Variants in GREB1 observed in about 807,000 individuals in gnomAD.
The protein encoded by GREB1 is growth regulating estrogen receptor binding 1.
A neutral mutation model predicts 200.7 loss-of-function variants in GREB1; 106 were observed. That is an observed-to-expected ratio of 0.53 (90% CI 0.45 to 0.62). GREB1 has a LOEUF of 0.62. GREB1 is among the 20% of genes least tolerant of loss of function. GREB1 has a pLI of 0.00. For missense variants in GREB1, 2,243 were observed against 2,556.8 expected, an observed-to-expected ratio of 0.88 and a Z score of 2.65; for synonymous variants, 1,132 against 1,092.4, an observed-to-expected ratio of 1.04 and a Z score of -0.72.
rs114284382 is a variant in GREB1 at position 11,503,268 on chromosome 2, G to A, written c.-159+20887G>A. ...CTTGTTTCTGCCCAGATTTTCACAC[G>A]TTTATTACATAAATCTGTATCTATT... On this transcript the variant is annotated intron_variant, in intron 1 of 2. Transcript: ENST00000628795. 9.6e-3 allele frequency among the ~76,000 whole-genome samples: 1,463 copies of A among 152,150 alleles called. 25 individuals carry two copies. The highest frequency in any genetic ancestry group is 0.034 in the African/African-American group (1,398 of 41,500).
chr2:11,609,624 C>T (rs1335265167), intron 17 of GREB1, among the ~76,000 whole-genome samples: 1 of 152,156 alleles, frequency 6.6e-6, no homozygotes, highest in African/African-American at 2.4e-5. Context: ...CTAGACAGCC[C>T]TGGTAATGGC....
At chr2:11,538,624 TC>T (rs1292369202) in intron 1 of GREB1, among the ~76,000 whole-genome samples, 3 of 19,512 alleles carry the variant, frequency 1.5e-4, no homozygotes, top group Non-Finnish European at 3.6e-4. Flanking sequence ...TTTCTTTCTT[TC>T]TTTCTTTCTT....
At position 11,514,395 on chromosome 2, in the gene GREB1, C is replaced by T. The variant is rs114130288; in HGVS notation, c.-159+32014C>T. Among the ~76,000 whole-genome samples, 496 of 152,332 alleles carry T rather than the reference C, an allele frequency of 3.3e-3. 3 individuals are homozygous for T. The highest frequency in any genetic ancestry group is 0.011 in the African/African-American group (463 of 41,564). ...ATTCACCAGTTGGAGACTCTGACTC[C>T]AGATCCTACACCCTTTTCACTACAC... On this transcript the variant is annotated intron_variant, in intron 1 of 2. Coordinates refer to the GREB1 transcript ENST00000628795.
At chr2:11,491,758 C>A (rs1050141870) in intron 1 of GREB1, among the ~76,000 whole-genome samples, 1 of 152,180 alleles carries the variant, frequency 6.6e-6, no homozygotes, top group Admixed American at 6.5e-5. Context: ...AGGCTGGAGG[C>A]CATAAGTGGC....
At chr2:11,521,006 C>T (rs1049302631) in intron 1 of GREB1, among the ~76,000 whole-genome samples, 2 of 152,190 alleles carry the variant, frequency 1.3e-5, no homozygotes, top group Admixed American at 1.3e-4. Flanking sequence ...TTCTTATGCC[C>T]TCTGCCGTGT....
rs1675525532 is a variant in GREB1, at chr2:11,548,676, C to G, written c.-161-7778C>G. Among the ~76,000 whole-genome samples, 1 of 152,070 alleles carries G rather than the reference C, an allele frequency of 6.6e-6. No individual in the cohort carries two copies. Among genetic ancestry groups the G allele is most frequent in the Non-Finnish European group, 1.5e-5 (1 of 68,026 alleles). On this transcript the variant is annotated intron_variant, in intron 1 of 32. Transcript: ENST00000381486. The surrounding 1 kb of genome is among the most constrained non-coding windows in gnomAD (Gnocchi z 5.1). ...CTTCTGTCCCTGCTCCAGTGTGGAT[C>G]ATTTAGCTGTTCTCATCATCACCTT...
intron 1 of GREB1, among the ~76,000 whole-genome samples, chr2:11,552,874 G>A (rs1241162283): frequency 2.0e-5 from 3 of 151,988 alleles, no homozygotes; most frequent in African/African-American, 4.8e-5. Flanking sequence ...GCCGGGCATG[G>A]TGGCGCACGC....
intron 12 of GREB1, 116 bp downstream of exon 12, chr2:11,595,495 C>A: frequency 1.0e-6 from 1 of 993,340 alleles, no homozygotes; most frequent in Non-Finnish European, 1.5e-6. Context: ...GCCTCCACTG[C>A]AGAGTGCCCC....
intron 20 of GREB1, among the ~76,000 whole-genome samples, chr2:11,616,195 G>A (rs1683388391): frequency 6.6e-6 from 1 of 152,238 alleles, no homozygotes; most frequent in Admixed American, 6.5e-5. Context: ...GCAGTGGCCG[G>A]GCTGTGCCCT....
In GREB1 at chr2:11,618,433, C is replaced by T. The variant is rs536362432; in HGVS notation, c.3558C>T (p.Pro1186=). The change falls in exon 22 of 33, where the codon CCC becomes CCT. Residue 1186 remains proline, a synonymous_variant. Transcript: ENST00000381486. ...KQRPRASQGP[P]SAISRHSPGP... ...GGCCCCGGGCAAGTCAGGGGCCACC[C>T]TCGGCCATCAGCAGGCACAGTCCCG... The T allele has an allele frequency of 6.2e-7, 1 of 1,606,840 alleles. No individual in the cohort carries two copies. Among genetic ancestry groups the T allele is most frequent in the Admixed American group, 1.7e-5 (1 of 58,940 alleles).
intron 11 of GREB1, 133 bp downstream of exon 11, chr2:11,593,259 T>C: frequency 1.6e-6 from 1 of 608,398 alleles, no homozygotes; most frequent in Non-Finnish European, 2.8e-6. Context: ...CGGTTTGTGC[T>C]CAGTAGCTGG....
At chr2:11,514,462 T>C (rs13395155) in intron 1 of GREB1, among the ~76,000 whole-genome samples, 27,854 of 152,200 alleles carry the variant, frequency 0.18, 3,274 homozygotes, top group African/African-American at 0.32. Context: ...CATGTTTCCA[T>C]GATCAGATGT....
At chr2:11,520,669 G>A (rs537057772) in intron 1 of GREB1, among the ~76,000 whole-genome samples, 1 of 152,152 alleles carries the variant, frequency 6.6e-6, no homozygotes, top group Non-Finnish European at 1.5e-5. Context: ...AGATGGCAAA[G>A]TATCTTTCTT....
intron 1 of GREB1, among the ~76,000 whole-genome samples, chr2:11,556,112 A>G (rs1194733271): frequency 6.6e-6 from 1 of 152,220 alleles, no homozygotes; most frequent in Non-Finnish European, 1.5e-5. Context: ...TTACCAGCAA[A>G]GACAATGGTG....
At chr2:11,625,387 G>A (rs1041120843) in intron 24 of GREB1, 75 bp downstream of exon 24, 7 of 1,437,602 alleles carry the variant, frequency 4.9e-6, no homozygotes, top group Non-Finnish European at 5.8e-6. Context: ...GCTGGATTTT[G>A]TTAGGCATGA....
chr2:11,615,080 T>G lies in GREB1; in HGVS notation c.3123-11T>G. 1 of 1,608,102 alleles carries G rather than the reference T, an allele frequency of 6.2e-7. No individual in the cohort carries two copies. The highest frequency in any genetic ancestry group is 8.5e-7 in the Non-Finnish European group (1 of 1,174,520). On this transcript the variant is annotated splice_polypyrimidine_tract_variant and intron_variant, in intron 19 of 32. Transcript: ENST00000381486. ...GGCACTAAACAGACACCTTCTTCTG[T>G]GTCTTGCTAGGTCTTTGAGGTACTG... is the stretch of plus-strand genomic sequence containing the variant.
Position 11,562,526 on chromosome 2 carries a change from G to A in GREB1, c.221G>A (p.Gly74Asp), listed in dbSNP as rs749067376. Residue 74 changes from glycine (G) to aspartate (D), a missense_variant, in exon 3 of 33, where the codon GGC (glycine) becomes GAC (aspartate). Transcript: ENST00000381486. ...EEGEGGLETN[G>D]PPNPFQLHPL... The stretch of plus-strand genomic sequence containing the variant: ...GGAGAAGGAGGGCTGGAAACAAATG[G>A]CCCCCCAAACCCTTTCCAGCTGCAC... The A allele has an allele frequency of 1.1e-5, 17 of 1,605,216 alleles. No homozygotes were observed. In the South Asian group the frequency reaches 1.8e-4, roughly 17 times the overall value.
At chr2:11,500,697 G>T (rs183763592) in intron 1 of GREB1, among the ~76,000 whole-genome samples, 1 of 152,168 alleles carries the variant, frequency 6.6e-6, no homozygotes, top group Non-Finnish European at 1.5e-5. Flanking sequence ...TTCAAGTAAC[G>T]GACTGTTACT....
chr2:11,541,519 C>A (rs1309645838), intron 1 of GREB1, among the ~76,000 whole-genome samples: 3 of 152,158 alleles, frequency 2.0e-5, no homozygotes, highest in African/African-American at 7.2e-5. Context: ...ATGCACTACT[C>A]TTCTCTATGA....
Sources: gnomAD v4.1 joint callset for allele counts (sites outside exome capture counted in the v4.1 genomes callset) on GRCh38, gnomAD v4.1.1 for gene constraint, Gnocchi (gnomAD v3.1) non-coding constraint, MANE v1.5 for transcripts, NCBI Gene and HGNC (gene_info 2026-07-23, HGNC 2026-07-21) for gene names.